DTNA: variants seen among roughly 807,000 people sequenced by gnomAD.
DTNA encodes dystrobrevin alpha.
Under a neutral mutation model 100.7 loss-of-function variants are expected in DTNA, and 43 were observed. That is an observed-to-expected ratio of 0.43 (90% CI 0.33 to 0.55). The LOEUF (loss-of-function observed/expected upper bound fraction) is 0.55, where lower values mean the gene tolerates loss of function less well. Ranked by LOEUF, DTNA falls within the 20% of genes least tolerant of loss-of-function variation. The pLI is 0.04. For synonymous variants in DTNA, 349 were observed against 347.9 expected (o/e 1.00, Z -0.04); for missense variants, 798 against 953.9 (o/e 0.84, Z 2.15).
intron 19 of DTNA, 151 bp downstream of exon 19, chr18:34,877,959 G>GT (rs140501534): frequency 0.016 from 10,046 of 644,014 alleles, no homozygotes; most frequent in East Asian, 0.022. Flanking sequence ...GATTTGAGGG[G>GT]TTTTTTTTTT....
At chr18:34,557,322 T>C (rs7236032) in intron 1 of DTNA, among the ~76,000 whole-genome samples, 14,436 of 128,112 alleles carry the variant, frequency 0.11, 868 homozygotes, top group African/African-American at 0.18. Context: ...AATGTCCTCC[T>C]GTAGCTCAGA....
Position 34,858,327 on chromosome 18 carries a change from A to G in DTNA, c.1575A>G (p.Glu525=). 2 of 1,614,170 alleles carry G rather than the reference A, an allele frequency of 1.2e-6. No individual in the cohort carries two copies. Among genetic ancestry groups the G allele is most frequent in the East Asian group, 4.5e-5 (2 of 44,858 alleles). ...QEIQRLRLEH[E]QASQPTPEKA... is the part of the protein sequence containing the mutation. ...TCCAGAGACTTCGGCTAGAGCATGA[A>G]CAAGCTTCTCAGCCCACGCCAGAGA... Residue 525 remains glutamate (E), a synonymous_variant, in exon 16 of 23, where the codon GAA becomes GAG. Transcript: ENST00000444659.
At chr18:34,831,658 C>T (rs1233965834) in intron 11 of DTNA, among the ~76,000 whole-genome samples, 1 of 152,096 alleles carries the variant, frequency 6.6e-6, no homozygotes, top group Non-Finnish European at 1.5e-5. Flanking sequence ...ATCCCAGCTA[C>T]TCAGGAGGCT....
intron 4 of DTNA, among the ~76,000 whole-genome samples, chr18:34,805,094 A>G (rs535519306): frequency 1.3e-5 from 2 of 152,348 alleles, no homozygotes; most frequent in South Asian, 4.1e-4. Context: ...GACCATTCTT[A>G]AGATTAGCAA....
At chr18:34,617,207 A>G (rs970844708) in intron 1 of DTNA, among the ~76,000 whole-genome samples, 1 of 152,096 alleles carries the variant, frequency 6.6e-6, no homozygotes, top group Non-Finnish European at 1.5e-5. Context: ...CTGGTTCTCA[A>G]GGGGAATGCT....
In DTNA at chr18:34,753,132, A is replaced by C. The variant is rs149035220; in HGVS notation, c.-1-2844A>C. 7.9e-4 allele frequency among the ~76,000 whole-genome samples: 120 copies of C among 151,800 alleles called. 2 individuals carry two copies. Among genetic ancestry groups the C allele is most frequent in the African/African-American group, 2.8e-3 (115 of 41,376 alleles). ...GCTGGCCATATCATTTGTTGGTTGG[A>C]CTTTGCTGGGCACTGTGAAAAATTA... On this transcript the variant is annotated intron_variant, in intron 1 of 22. Transcript: ENST00000444659.
At chr18:34,801,998 C>T (rs931507392) in intron 4 of DTNA, among the ~76,000 whole-genome samples, 1 of 152,202 alleles carries the variant, frequency 6.6e-6, no homozygotes. Context: ...GTGATTCATC[C>T]AGACTTGTGC....
chr18:34,528,974 A>G (rs1337224382), intron 1 of DTNA, among the ~76,000 whole-genome samples: 1 of 152,138 alleles, frequency 6.6e-6, no homozygotes, highest in Non-Finnish European at 1.5e-5. Context: ...TATGGGTGAC[A>G]GTGCAACTCA....
chr18:34,759,198 T>C (rs1466609740), intron 2 of DTNA, among the ~76,000 whole-genome samples: 1 of 152,198 alleles, frequency 6.6e-6, no homozygotes, highest in African/African-American at 2.4e-5. Context: ...TAGTTAAATA[T>C]AAACATCATC....
intron 3 of DTNA, among the ~76,000 whole-genome samples, chr18:34,772,666 T>C (rs1057364751): frequency 3.3e-5 from 5 of 152,380 alleles, no homozygotes; most frequent in African/African-American, 1.2e-4. Flanking sequence ...CTGCTTCATG[T>C]TTAAATATGT....
At chr18:34,682,854 CTT>C (rs1177620756) in intron 1 of DTNA, among the ~76,000 whole-genome samples, 1 of 151,916 alleles carries the variant, frequency 6.6e-6, no homozygotes, top group African/African-American at 2.4e-5. Flanking sequence ...AAAAATTAAA[CTT>C]AATATATTTA....
chr18:34,652,066 A>G (rs758753218), intron 1 of DTNA, among the ~76,000 whole-genome samples: 2 of 149,160 alleles, frequency 1.3e-5, no homozygotes, highest in Non-Finnish European at 3.0e-5. Context: ...ACCCTGTCTC[A>G]AAAGAAAGAA....
chr18:34,801,109 A>G (rs1251572100), intron 4 of DTNA, among the ~76,000 whole-genome samples: 1 of 152,188 alleles, frequency 6.6e-6, no homozygotes, highest in Non-Finnish European at 1.5e-5. Flanking sequence ...ATTTTCAATC[A>G]GTTGTCCCCT....
chr18:34,723,360 T>C (rs1004942641), intron 1 of DTNA, among the ~76,000 whole-genome samples: 5 of 152,202 alleles, frequency 3.3e-5, no homozygotes, highest in Non-Finnish European at 5.9e-5. Context: ...CACTGTTCAG[T>C]GGTGCCTCCC....
At chr18:34,499,220 A>T (rs1341488684) in intron 1 of DTNA, among the ~76,000 whole-genome samples, 1 of 152,210 alleles carries the variant, frequency 6.6e-6, no homozygotes, top group Non-Finnish European at 1.5e-5. Context: ...AATGTTATAT[A>T]AGTGGAATTA....
intron 1 of DTNA, among the ~76,000 whole-genome samples, chr18:34,550,269 A>G (rs1429330244): frequency 1.3e-5 from 2 of 152,048 alleles, no homozygotes; most frequent in Non-Finnish European, 1.5e-5. Context: ...TTCTGTCAAC[A>G]TTTTTCATAC....
chr18:34,719,151 G>A (rs553878738), intron 1 of DTNA, among the ~76,000 whole-genome samples: 6 of 151,916 alleles, frequency 3.9e-5, no homozygotes, highest in Middle Eastern at 3.4e-3. Context: ...CCAACATGGC[G>A]AAACCCCGTC....
chr18:34,788,214 T>G (rs1317663052), intron 3 of DTNA, among the ~76,000 whole-genome samples: 1 of 152,216 alleles, frequency 6.6e-6, no homozygotes, highest in Non-Finnish European at 1.5e-5. Context: ...AAGCAACATA[T>G]TTATACAACT....
chr18:34,506,585 A>G (rs780558596), intron 1 of DTNA, among the ~76,000 whole-genome samples: 12 of 152,090 alleles, frequency 7.9e-5, no homozygotes, highest in Non-Finnish European at 1.5e-4. Context: ...TTTTTTATCT[A>G]GCTATGATGC....
Sources: allele counts gnomAD v4.1 joint callset (sites outside exome capture counted in the v4.1 genomes callset), GRCh38; gene constraint gnomAD v4.1.1; transcripts MANE v1.5; gene names NCBI Gene and HGNC (gene_info 2026-07-23, HGNC 2026-07-21).